RBFOX1: variants seen among roughly 807,000 people sequenced by gnomAD.
RBFOX1 encodes RNA binding fox-1 homolog 1.
In RBFOX1, 8 loss-of-function variants were observed where a neutral mutation model predicts 57.7. The observed-to-expected ratio is 0.14, with a 90% CI of 0.08 to 0.25. The LOEUF is 0.25. Ranked by LOEUF, RBFOX1 falls within the 10% of genes least tolerant of loss-of-function variation. The pLI is 1.00. For synonymous variants in RBFOX1, 326 were observed against 222.4 expected (o/e 1.47, Z -4.15); for missense variants, 611 against 548.5 (o/e 1.11, Z -1.14).
At chr16:6,257,113 T>A (rs2097672704) in intron 1 of RBFOX1, among the ~76,000 whole-genome samples, 2 of 152,296 alleles carry the variant, frequency 1.3e-5, no homozygotes, top group East Asian at 1.9e-4. Context: ...TTTCTTTTTT[T>A]AATTTCATTT....
At chr16:5,759,962 A>G (rs2053536722) in intron 3 of RBFOX1, among the ~76,000 whole-genome samples, 1 of 151,472 alleles carries the variant, frequency 6.6e-6, no homozygotes, top group South Asian at 2.1e-4. Flanking sequence ...CTGAAAATGT[A>G]GGTTTCTATA....
chr16:6,755,447 T>C (rs2075638286), intron 3 of RBFOX1, among the ~76,000 whole-genome samples: 1 of 152,214 alleles, frequency 6.6e-6, no homozygotes, highest in Non-Finnish European at 1.5e-5. Context: ...ATTTCTCTGA[T>C]GGCCAGTGAT....
chr16:6,655,791 A>G (rs1038744368), intron 3 of RBFOX1, among the ~76,000 whole-genome samples: 7 of 152,122 alleles, frequency 4.6e-5, no homozygotes, highest in Non-Finnish European at 5.9e-5. Context: ...CAAGTGTACC[A>G]TTATTGTCAA....
rs1567165808 is a variant in RBFOX1, at chr16:6,767,950, GAAGAAGAAGAAGAAGAAGAA to G, written c.-16+113301_-16+113320del. On this transcript the variant is annotated intron_variant, in intron 3 of 15. Transcript: ENST00000550418. ...ATAATAATAATAATAATAATAATAA[GAAGAAGAAGAAGAAGAAGAA>G]GAAGAAGAAGAAGAAGAAATTATGG... Among the ~76,000 whole-genome samples the G allele has an allele frequency of 7.6e-5, 8 of 105,300 alleles. No individual in the cohort carries two copies. The East Asian group carries it at 1.0e-3, about 14-fold the overall frequency. The allele number at this position is 105,300 out of a possible 152,430, so 69.1% of individuals were successfully genotyped here. A position where few individuals can be genotyped will look rare whatever the true frequency, so the allele number is the denominator to read the frequency against.
At chr16:5,936,354 C>T (rs541656939) in intron 4 of RBFOX1, among the ~76,000 whole-genome samples, 2 of 152,160 alleles carry the variant, frequency 1.3e-5, no homozygotes, top group South Asian at 2.1e-4. Context: ...AAATGCCTGA[C>T]CTCAAGTGAT....
intron 1 of RBFOX1, among the ~76,000 whole-genome samples, chr16:6,209,192 G>T (rs2097275578): frequency 6.6e-6 from 1 of 152,132 alleles, no homozygotes; most frequent in African/African-American, 2.4e-5. Flanking sequence ...GAGTTTGGTT[G>T]GTGTGAAGCT....
At chr16:5,414,515 G>A (rs1476544611) in intron 1 of RBFOX1, among the ~76,000 whole-genome samples, 1 of 152,184 alleles carries the variant, frequency 6.6e-6, no homozygotes, top group African/African-American at 2.4e-5. Context: ...CTGGATGTGG[G>A]TTGGTCAATT....
At chr16:6,715,899 A>G (rs1326628717) in intron 3 of RBFOX1, among the ~76,000 whole-genome samples, 1 of 152,188 alleles carries the variant, frequency 6.6e-6, no homozygotes, top group Non-Finnish European at 1.5e-5. Context: ...TCAGCCTGCT[A>G]CTATTACAGC....
Position 5,444,413 on chromosome 16 carries a change from G to A in RBFOX1, c.220-22803G>A, listed in dbSNP as rs569893732. On this transcript the variant is annotated intron_variant, in intron 1 of 2. Transcript: ENST00000585867. The stretch of plus-strand genomic sequence containing the variant: ...CCATGTGCTAATAGCAAGAATGATC[G>A]GAAAGACAGTTGTAGACAAACAGAG... Among the ~76,000 whole-genome samples, 24 of 152,304 alleles carry A rather than the reference G, an allele frequency of 1.6e-4. 1 individual carries two copies. The East Asian group carries it at 3.1e-3, about 20-fold the overall frequency.
chr16:5,751,622 C>T (rs115608344), intron 3 of RBFOX1, among the ~76,000 whole-genome samples: 2,188 of 152,222 alleles, frequency 0.014, 46 homozygotes, highest in African/African-American at 0.049. Context: ...AGAGCAGAAC[C>T]GCATCAGTCT....
chr16:5,495,892 G>A (rs369715365), intron 2 of RBFOX1, among the ~76,000 whole-genome samples: 55 of 152,328 alleles, frequency 3.6e-4, no homozygotes, highest in African/African-American at 1.2e-3. Context: ...GTGGGAGGCC[G>A]AGGCGGGCAG....
chr16:6,668,239 GT>G lies in RBFOX1; in HGVS notation c.-16+13591del, dbSNP rs536063049. 1.7e-3 allele frequency among the ~76,000 whole-genome samples: 264 copies of G among 152,314 alleles called. 1 individual carries two copies. The highest frequency in any genetic ancestry group is 2.3e-3 in the Non-Finnish European group (157 of 68,030). ...TGATTGTGGCGGCACAGAACACCTTGTTGATGAGGAGTCTGAGATTGTGGCA... is the reference window on the plus strand; with the variant it reads ...TGATTGTGGCGGCACAGAACACCTTGTGATGAGGAGTCTGAGATTGTGGCA... On this transcript the variant is annotated intron_variant, in intron 3 of 15. Transcript: ENST00000550418.
intron 2 of RBFOX1, among the ~76,000 whole-genome samples, chr16:6,594,193 T>C (rs1261784868): frequency 3.3e-5 from 5 of 152,274 alleles, no homozygotes; most frequent in African/African-American, 7.2e-5. Context: ...GAGTGTGAAG[T>C]GCCCAGGAAG....
At position 7,710,825 on chromosome 16, in the gene RBFOX1, T is replaced by G; in HGVS notation, c.*80T>G. 1 of 1,180,432 alleles carries G rather than the reference T, an allele frequency of 8.5e-7. No individual in the cohort carries two copies. Among genetic ancestry groups the G allele is most frequent in the South Asian group, 2.9e-5 (1 of 34,314 alleles). 73.1% of individuals were successfully genotyped at this position (1,180,432 alleles called of 1,614,324 possible). ...CTGAGTATTGCAATACATGCAGTAG[T>G]ACATCATTTTAGCAACTCTAAAAAA... On this transcript the variant is annotated 3_prime_UTR_variant, in exon 16 of 16. Transcript: ENST00000550418.
At chr16:7,172,572 C>T (rs1263582095) in intron 4 of RBFOX1, among the ~76,000 whole-genome samples, 2 of 152,108 alleles carry the variant, frequency 1.3e-5, no homozygotes, top group African/African-American at 4.8e-5. Context: ...ATGTAATTAG[C>T]ATTCCTGTTG....
At chr16:7,489,791 G>C (rs926813976) in intron 4 of RBFOX1, among the ~76,000 whole-genome samples, 46 of 152,044 alleles carry the variant, frequency 3.0e-4, no homozygotes, top group Admixed American at 2.5e-3. Context: ...AGAGCACTGG[G>C]ATTACAGGTG....
At chr16:5,681,558 T>C (rs144906993) in intron 3 of RBFOX1, among the ~76,000 whole-genome samples, 1 of 151,416 alleles carries the variant, frequency 6.6e-6, no homozygotes, top group Non-Finnish European at 1.5e-5. Context: ...CCAGCTAATT[T>C]TTTTTTGCAT....
chr16:6,486,747 A>G (rs559346531), intron 2 of RBFOX1, among the ~76,000 whole-genome samples: 1 of 151,728 alleles, frequency 6.6e-6, no homozygotes, highest in African/African-American at 2.4e-5. Flanking sequence ...GTTTGCATTT[A>G]TGGGTATGCG....
intron 4 of RBFOX1, among the ~76,000 whole-genome samples, chr16:7,122,582 A>G: frequency 6.6e-6 from 1 of 152,200 alleles, no homozygotes; most frequent in Non-Finnish European, 1.5e-5. Flanking sequence ...AGTGCTGTGG[A>G]GGATTCAGAG....
Sources: gnomAD v4.1 joint callset for allele counts (sites outside exome capture counted in the v4.1 genomes callset) on GRCh38, gnomAD v4.1.1 for gene constraint, MANE v1.5 for transcripts, NCBI Gene and HGNC (gene_info 2026-07-23, HGNC 2026-07-21) for gene names.